The following CSMD1 variants were observed in gnomAD, a reference collection of about 807,000 sequenced individuals.
CSMD1 encodes the protein CUB and sushi domain-containing protein 1.
Under a neutral mutation model 417.5 loss-of-function variants are expected in CSMD1, and 213 were observed. The observed-to-expected ratio is 0.51, with a 90% CI of 0.46 to 0.57. The LOEUF (loss-of-function observed/expected upper bound fraction) is 0.57, where lower values mean the gene tolerates loss of function less well. CSMD1 is among the 20% of genes least tolerant of loss of function. The pLI is 0.00. For missense variants in CSMD1, 6,923 were observed against 4,529.7 expected, an observed-to-expected ratio of 1.53 and a Z score of -15.17; for synonymous variants, 2,862 against 1,736.8, an observed-to-expected ratio of 1.65 and a Z score of -16.11.
At chr8:4,967,650 C>T (rs932403709) in intron 1 of CSMD1, among the ~76,000 whole-genome samples, 1 of 152,114 alleles carries the variant, frequency 6.6e-6, no homozygotes, top group African/African-American at 2.4e-5. Context: ...TGATTTTATT[C>T]TCTGGTTCTA....
chr8:3,967,451 T>TA (rs1194351577), intron 5 of CSMD1, among the ~76,000 whole-genome samples: 3 of 80,276 alleles, frequency 3.7e-5, no homozygotes, highest in African/African-American at 1.9e-4. Context: ...GGATCTTTGC[T>TA]AAAAGGAAAA....
chr8:2,963,501 C>A, intron 59 of CSMD1, 106 bp from the exon 60 acceptor site: 1 of 1,106,684 alleles, frequency 9.0e-7, no homozygotes, highest in South Asian at 1.6e-5. Context: ...ATGACATCTA[C>A]ATAGGTTTTT....
chr8:4,370,444 C>T (rs997695447), intron 3 of CSMD1, among the ~76,000 whole-genome samples: 1 of 152,110 alleles, frequency 6.6e-6, no homozygotes, highest in East Asian at 1.9e-4. Context: ...TATAATATCT[C>T]ATGGAGATTC....
intron 7 of CSMD1, among the ~76,000 whole-genome samples, chr8:3,645,845 T>C (rs1433683402): frequency 6.6e-6 from 1 of 152,218 alleles, no homozygotes; most frequent in South Asian, 2.1e-4. Flanking sequence ...AATCACTCCA[T>C]TGTTTAAATA....
At chr8:4,070,996 G>C (rs966283156) in intron 3 of CSMD1, among the ~76,000 whole-genome samples, 73 of 152,216 alleles carry the variant, frequency 4.8e-4, no homozygotes, top group African/African-American at 1.6e-3. Context: ...TATGTAATGC[G>C]TCCATTTTCT....
At chr8:3,439,309 A>ATATACATATATATATTT in intron 12 of CSMD1, among the ~76,000 whole-genome samples, 1 of 62,482 alleles carries the variant, frequency 1.6e-5, no homozygotes, top group Non-Finnish European at 2.9e-5. Context: ...ATATATATAT[A>ATATACATATATATATTT]TTTTTTTTTT....
chr8:4,248,479 G>A (rs908623597), intron 3 of CSMD1, among the ~76,000 whole-genome samples: 1 of 152,092 alleles, frequency 6.6e-6, no homozygotes, highest in African/African-American at 2.4e-5. Context: ...CGTTACTTAC[G>A]AATACTTTTG....
At chr8:3,220,643 C>T (rs1316276403) in intron 28 of CSMD1, among the ~76,000 whole-genome samples, 1 of 152,066 alleles carries the variant, frequency 6.6e-6, no homozygotes, top group Non-Finnish European at 1.5e-5. Context: ...ACAGCCTGGC[C>T]AATATGGTGA....
chr8:3,320,657 C>T (rs993916890), intron 23 of CSMD1, among the ~76,000 whole-genome samples: 3 of 152,164 alleles, frequency 2.0e-5, no homozygotes, highest in Admixed American at 6.5e-5. Flanking sequence ...TGCATTGGGA[C>T]GCAAGAGCGC....
chr8:3,810,418 T>C (rs930575153), intron 5 of CSMD1, among the ~76,000 whole-genome samples: 1 of 152,138 alleles, frequency 6.6e-6, no homozygotes, highest in African/African-American at 2.4e-5. Flanking sequence ...CCAAGTGTTT[T>C]CTTGTTAAGA....
chr8:3,778,790 C>T (rs184309118), intron 5 of CSMD1, among the ~76,000 whole-genome samples: 5 of 152,288 alleles, frequency 3.3e-5, no homozygotes, highest in Admixed American at 1.3e-4. Flanking sequence ...AGCCTTGTTT[C>T]ATGCTCCGAA....
Position 4,265,635 on chromosome 8 carries a change from T to C in CSMD1, c.415+154318A>G, listed in dbSNP as rs1428840535. 3.8e-5 allele frequency among the ~76,000 whole-genome samples: 4 copies of C among 105,054 alleles called. 2 individuals carry two copies. The highest frequency in any genetic ancestry group is 1.0e-4 in the Non-Finnish European group (4 of 39,044). The allele number at this position is 105,054 out of a possible 152,430, so 68.9% of individuals were successfully genotyped here. ...TAAAAATAATGAGATTAAAAACAAA[T>C]ATATTAGGGAAAAATTCTGTCAGCA... On this transcript the variant is annotated intron_variant, in intron 3 of 69. Coordinates refer to ENST00000635120, the MANE Select transcript of CSMD1 (RefSeq NM_033225.6).
intron 1 of CSMD1, among the ~76,000 whole-genome samples, chr8:4,929,427 C>G (rs4074884): frequency 0.037 from 5,587 of 152,182 alleles, 277 homozygotes; most frequent in African/African-American, 0.11. Flanking sequence ...ATAGGCATTT[C>G]TATTAGAAGT....
chr8:3,363,127 T>C (rs1362800200), intron 20 of CSMD1, among the ~76,000 whole-genome samples: 1 of 152,172 alleles, frequency 6.6e-6, no homozygotes, highest in South Asian at 2.1e-4. Flanking sequence ...GGTCCTCCCA[T>C]TGTACCTCCG....
chr8:3,789,371 GTTTTTTTTTTTAAGTAGTGT>G (rs1161111275), intron 5 of CSMD1, among the ~76,000 whole-genome samples: 1 of 107,400 alleles, frequency 9.3e-6, no homozygotes, highest in East Asian at 3.2e-4. Context: ...TATTGCTAGT[GTTTTTTTTTTTAAGTAGTGT>G]TTTTTTTTTT....
chr8:4,895,958 G>T (rs945679885), intron 1 of CSMD1, among the ~76,000 whole-genome samples: 1 of 151,772 alleles, frequency 6.6e-6, no homozygotes, highest in African/African-American at 2.4e-5. Flanking sequence ...TCCATTTTCA[G>T]ACCTAATTTT....
chr8:4,398,578 G>T (rs1804428369), intron 3 of CSMD1, among the ~76,000 whole-genome samples: 1 of 151,704 alleles, frequency 6.6e-6, no homozygotes, highest in Non-Finnish European at 1.5e-5. Context: ...TGTATTTTTA[G>T]TAGAGACGGG....
At chr8:3,296,270 TAAG>T (rs140808473) in intron 25 of CSMD1, among the ~76,000 whole-genome samples, 3,018 of 151,520 alleles carry the variant, frequency 0.02, 35 homozygotes, top group East Asian at 0.03. Context: ...CTGTGAGACG[TAAG>T]AATTCAGCCA....
intron 19 of CSMD1, 95 bp from the exon 20 acceptor site, chr8:3,367,342 A>G (rs886362621): frequency 6.5e-6 from 5 of 770,984 alleles, no homozygotes; most frequent in African/African-American, 5.2e-5. Flanking sequence ...AGACAGAGAC[A>G]TAGAGATGAC....
Sources: gnomAD v4.1 joint callset for allele counts (sites outside exome capture counted in the v4.1 genomes callset) on GRCh38, gnomAD v4.1.1 for gene constraint, MANE v1.5 for transcripts, NCBI Gene and HGNC (gene_info 2026-07-23, HGNC 2026-07-21) for gene names.